The following ANGPT1 variants were observed in gnomAD, a reference collection of about 807,000 sequenced individuals.
ANGPT1 encodes angiopoietin 1.
Under a neutral mutation model 62.2 loss-of-function variants are expected in ANGPT1, and 17 were observed. The observed-to-expected ratio is 0.27, with a 90% CI of 0.19 to 0.41. The LOEUF (loss-of-function observed/expected upper bound fraction) is 0.41, where lower values mean the gene tolerates loss of function less well. Ranked by LOEUF, ANGPT1 falls within the 10% of genes least tolerant of loss-of-function variation. The pLI, the probability that ANGPT1 is intolerant of heterozygous loss-of-function variation, is 1.00. For synonymous variants in ANGPT1, 199 were observed against 198.9 expected (o/e 1.00, Z 0.00); for missense variants, 478 against 594.9 (o/e 0.80, Z 2.04).
At position 107,284,036 on chromosome 8, in the gene ANGPT1, T is replaced by C. The variant is rs558376821; in HGVS notation, c.1205+646A>G. ...ATATTTTTGTGTGTTTATTTTTCCC[T>C]AGTAGACGAGCTTCTCATTGAAAAA... On this transcript the variant is annotated intron_variant, in intron 7 of 8. Coordinates refer to ENST00000517746, the MANE Select transcript of ANGPT1 (RefSeq NM_001146.5). 3.9e-5 allele frequency: 6 copies of C among 152,312 alleles called. No individual in the cohort carries two copies. The South Asian group carries it at 6.2e-4, about 16-fold the overall frequency. The allele number at this position is 152,312 out of a possible 1,614,324, so 9.4% of individuals were successfully genotyped here. A position where few individuals can be genotyped will look rare whatever the true frequency, so the allele number is the denominator to read the frequency against.
At chr8:107,325,461 T>C (rs1815264630) in intron 3 of ANGPT1, among the ~76,000 whole-genome samples, 2 of 152,186 alleles carry the variant, frequency 1.3e-5, no homozygotes, top group South Asian at 4.1e-4. Flanking sequence ...CATGTAGATA[T>C]CAAAATTTGA....
chr8:107,370,298 A>AGCAG (rs1349259228), intron 1 of ANGPT1, among the ~76,000 whole-genome samples: 2 of 132,704 alleles, frequency 1.5e-5, no homozygotes. Flanking sequence ...AAAGGAAAGA[A>AGCAG]GAAAGAAAGA....
chr8:107,462,084 T>C lies in ANGPT1; in HGVS notation c.297+35178A>G, dbSNP rs188144971. On this transcript the variant is annotated intron_variant, in intron 1 of 8. Transcript: ENST00000517746. ...GAAGGTCAGGCTATGTCTAGTTTCA[T>C]TTTCTCGGAAGTTAGAAACAGTAAA... Among the ~76,000 whole-genome samples the C allele has an allele frequency of 5.3e-5, 8 of 152,228 alleles. No individual in the cohort carries two copies. The East Asian group carries it at 1.5e-3, about 29-fold the overall frequency.
At chr8:107,327,888 T>C (rs1167005707) in intron 3 of ANGPT1, among the ~76,000 whole-genome samples, 5 of 152,094 alleles carry the variant, frequency 3.3e-5, no homozygotes, top group Middle Eastern at 3.2e-3. Context: ...CTATTTGAAG[T>C]TTCTGGTAGA....
chr8:107,339,537 T>C (rs543593866), intron 2 of ANGPT1, among the ~76,000 whole-genome samples: 39 of 152,282 alleles, frequency 2.6e-4, no homozygotes, highest in African/African-American at 9.1e-4. Context: ...ACCTTCTTTA[T>C]AGTAATACCT....
intron 4 of ANGPT1, 66 bp from the exon 5 acceptor site, chr8:107,303,433 C>A: frequency 7.5e-7 from 1 of 1,332,232 alleles, no homozygotes; most frequent in Non-Finnish European, 1.0e-6. Flanking sequence ...AAACTGACTC[C>A]AATAATAGCT....
At chr8:107,414,464 AT>A (rs1810685359) in intron 1 of ANGPT1, among the ~76,000 whole-genome samples, 1 of 152,096 alleles carries the variant, frequency 6.6e-6, no homozygotes, top group African/African-American at 2.4e-5. Flanking sequence ...TACACTTATT[AT>A]TTTTCAGTTT....
chr8:107,457,824 CTA>C (rs1491213134), intron 1 of ANGPT1, among the ~76,000 whole-genome samples: 1 of 128,724 alleles, frequency 7.8e-6, no homozygotes, highest in Non-Finnish European at 1.6e-5. Flanking sequence ...CACATACCCA[CTA>C]CACACACACA....
chr8:107,302,997 C>T (rs1459873123), intron 5 of ANGPT1, among the ~76,000 whole-genome samples: 1 of 151,712 alleles, frequency 6.6e-6, no homozygotes, highest in Non-Finnish European at 1.5e-5. Context: ...AAGGGGACAT[C>T]CTAGGGACAC....
At chr8:107,323,285 C>T (rs1815200173) in intron 3 of ANGPT1, among the ~76,000 whole-genome samples, 1 of 152,152 alleles carries the variant, frequency 6.6e-6, no homozygotes, top group African/African-American at 2.4e-5. Context: ...AAGGCTTACT[C>T]GGTTTTCTCA....
At chr8:107,433,591 C>A (rs998784941) in intron 1 of ANGPT1, among the ~76,000 whole-genome samples, 3 of 152,144 alleles carry the variant, frequency 2.0e-5, no homozygotes, top group Non-Finnish European at 4.4e-5. Context: ...ATTGAAATAT[C>A]ATCTTTCAAT....
chr8:107,397,361 G>A (rs1442478459), intron 1 of ANGPT1, among the ~76,000 whole-genome samples: 2 of 152,094 alleles, frequency 1.3e-5, no homozygotes, highest in Admixed American at 1.3e-4. Flanking sequence ...ATAAAACAAA[G>A]CCAGATGCTT....
chr8:107,277,958 G>A (rs1159984425), intron 7 of ANGPT1, among the ~76,000 whole-genome samples: 3 of 152,076 alleles, frequency 2.0e-5, no homozygotes, highest in Non-Finnish European at 2.9e-5. Context: ...GACATTGTTG[G>A]AGACAATAGT....
rs1262756497 is a variant in ANGPT1, at chr8:107,251,277, TAGTA to T, written c.*574_*577del. On this transcript the variant is annotated 3_prime_UTR_variant, in exon 9 of 9. Coordinates refer to ENST00000517746, the MANE Select transcript of ANGPT1 (RefSeq NM_001146.5). Reference sequence around the variant, plus strand: ...TGAAGATGGGTAAGCAGAAATCAACTAGTAAGTATGATACTGGAATTAGGCTTCT... The same window carrying T: ...TGAAGATGGGTAAGCAGAAATCAACTAGTATGATACTGGAATTAGGCTTCT... 1 of 152,640 alleles carries T rather than the reference TAGTA, an allele frequency of 6.6e-6. No homozygotes were observed. Among genetic ancestry groups the T allele is most frequent in the Admixed American group, 6.5e-5 (1 of 15,306 alleles). 9.5% of individuals were successfully genotyped at this position (152,640 alleles called of 1,614,324 possible). A position where few individuals can be genotyped will look rare whatever the true frequency, so the allele number is the denominator to read the frequency against.
At chr8:107,344,407 T>G (rs1815759863) in intron 2 of ANGPT1, among the ~76,000 whole-genome samples, 1 of 152,104 alleles carries the variant, frequency 6.6e-6, no homozygotes, top group Admixed American at 6.5e-5. Flanking sequence ...CAAGCCAGAC[T>G]AAGGGGGAAG....
At chr8:107,494,214 T>C (rs986984633) in intron 1 of ANGPT1, among the ~76,000 whole-genome samples, 6 of 152,216 alleles carry the variant, frequency 3.9e-5, no homozygotes, top group African/African-American at 1.4e-4. Flanking sequence ...AATCTAAATA[T>C]TTTAAATGTA....
At chr8:107,427,177 C>G (rs1467623215) in intron 1 of ANGPT1, among the ~76,000 whole-genome samples, 1 of 152,096 alleles carries the variant, frequency 6.6e-6, no homozygotes, top group Non-Finnish European at 1.5e-5. Context: ...GTACTCAGGA[C>G]CAGCTTGCAT....
chr8:107,311,562 T>C (rs1395124882), intron 4 of ANGPT1, among the ~76,000 whole-genome samples: 3 of 152,238 alleles, frequency 2.0e-5, no homozygotes, highest in Non-Finnish European at 4.4e-5. Flanking sequence ...TACATTTATG[T>C]AGAGATGCAA....
chr8:107,341,293 G>T (rs1390577118), intron 2 of ANGPT1, among the ~76,000 whole-genome samples: 1 of 151,972 alleles, frequency 6.6e-6, no homozygotes, highest in Non-Finnish European at 1.5e-5. Flanking sequence ...GGGATTGAAG[G>T]GTAAACTAAA....
Sources: allele counts gnomAD v4.1 joint callset (sites outside exome capture counted in the v4.1 genomes callset), GRCh38; gene constraint gnomAD v4.1.1; transcripts MANE v1.5; gene names NCBI Gene and HGNC (gene_info 2026-07-23, HGNC 2026-07-21).